Variants in UNC13C observed in about 807,000 individuals in gnomAD.
UNC13C encodes protein unc-13 homolog C.
Under a neutral mutation model 245.4 loss-of-function variants are expected in UNC13C, and 174 were observed. That is an observed-to-expected ratio of 0.71 (90% CI 0.63 to 0.80). UNC13C has a LOEUF of 0.80. UNC13C is among the 30% of genes least tolerant of loss of function. The pLI is 0.00. For synonymous variants in UNC13C, 992 were observed against 895.1 expected (o/e 1.11, Z -1.93); for missense variants, 2,829 against 2,602.9 (o/e 1.09, Z -1.89).
chr15:54,616,157 A>T (rs903897549), intron 30 of UNC13C, among the ~76,000 whole-genome samples: 5 of 152,068 alleles, frequency 3.3e-5, no homozygotes, highest in Admixed American at 2.6e-4. Context: ...ACTTCAGCAA[A>T]CTGTAGCCAT....
At chr15:54,095,794 G>A (rs1167812676) in intron 2 of UNC13C, among the ~76,000 whole-genome samples, 1 of 152,196 alleles carries the variant, frequency 6.6e-6, no homozygotes, top group East Asian at 1.9e-4. Flanking sequence ...TTAGGTTCAA[G>A]ACATATTCAA....
intron 13 of UNC13C, chr15:54,321,345 A>T (rs1283080902): frequency 4.2e-6 from 2 of 474,660 alleles, no homozygotes; most frequent in Admixed American, 2.2e-5. Flanking sequence ...GTCTTCTTTA[A>T]TGCCACCCAC....
At chr15:54,179,108 A>G (rs2033713024) in intron 4 of UNC13C, among the ~76,000 whole-genome samples, 1 of 152,140 alleles carries the variant, frequency 6.6e-6, no homozygotes. Flanking sequence ...ACTATAATCC[A>G]TGATTGAGTA....
At chr15:54,026,291 G>T (rs1187764240) in intron 2 of UNC13C, among the ~76,000 whole-genome samples, 1 of 152,164 alleles carries the variant, frequency 6.6e-6, no homozygotes, top group African/African-American at 2.4e-5. Context: ...ATAGTTACCG[G>T]TCATTAATGT....
At chr15:54,529,793 A>T (rs1324443948) in intron 25 of UNC13C, among the ~76,000 whole-genome samples, 1 of 152,180 alleles carries the variant, frequency 6.6e-6, no homozygotes, top group African/African-American at 2.4e-5. Flanking sequence ...CCTCATTACC[A>T]TTCCAATCAT....
intron 2 of UNC13C, among the ~76,000 whole-genome samples, chr15:54,060,709 G>A (rs1225071151): frequency 6.6e-6 from 1 of 152,022 alleles, no homozygotes; most frequent in Non-Finnish European, 1.5e-5. Flanking sequence ...CAAAGACTTG[G>A]AACCAACCCA....
At chr15:54,293,312 A>G (rs900459890) in intron 10 of UNC13C, among the ~76,000 whole-genome samples, 3 of 152,056 alleles carry the variant, frequency 2.0e-5, no homozygotes, top group African/African-American at 7.2e-5. Context: ...TTGCCTCAAC[A>G]AAAGAGGGTG....
Position 54,216,702 on chromosome 15 carries a change from A to G in UNC13C, c.3072-18328A>G, listed in dbSNP as rs564277478. 6.6e-5 allele frequency among the ~76,000 whole-genome samples: 10 copies of G among 152,142 alleles called. No individual in the cohort carries two copies. In the East Asian group the frequency reaches 1.9e-3, roughly 29 times the overall value. On this transcript the variant is annotated intron_variant, in intron 4 of 32. Transcript: ENST00000260323. ...CCACTTAGTTCAGTATTTTATTAATACATGCCCAGAGTGAGCGAGATGAAA... is the reference window on the plus strand; with the variant it reads ...CCACTTAGTTCAGTATTTTATTAATGCATGCCCAGAGTGAGCGAGATGAAA...
At chr15:54,462,179 T>C (rs945131108) in intron 19 of UNC13C, among the ~76,000 whole-genome samples, 2 of 152,152 alleles carry the variant, frequency 1.3e-5, no homozygotes, top group Non-Finnish European at 2.9e-5. Flanking sequence ...AAAGAGAGAC[T>C]ACAATCATGA....
chr15:54,277,088 C>A (rs567119760), intron 10 of UNC13C, among the ~76,000 whole-genome samples: 27 of 152,148 alleles, frequency 1.8e-4, no homozygotes, highest in Non-Finnish European at 3.2e-4. Context: ...CCAAATAATT[C>A]CAAAGACATG....
chr15:54,502,247 A>G (rs1228245012), intron 22 of UNC13C, among the ~76,000 whole-genome samples: 1 of 152,148 alleles, frequency 6.6e-6, no homozygotes, highest in Non-Finnish European at 1.5e-5. Flanking sequence ...GAAAACTTGT[A>G]TGGAAGGGCC....
intron 8 of UNC13C, among the ~76,000 whole-genome samples, chr15:54,256,849 T>C (rs1290758819): frequency 4.6e-5 from 7 of 152,204 alleles, no homozygotes; most frequent in Non-Finnish European, 1.0e-4. Flanking sequence ...TGATATTTTG[T>C]GGTTTACGCA....
chr15:54,464,425 C>T (rs751932398), intron 19 of UNC13C, among the ~76,000 whole-genome samples: 4 of 151,998 alleles, frequency 2.6e-5, no homozygotes, highest in Non-Finnish European at 4.4e-5. Context: ...TTTAGTGAAG[C>T]ATTACATTTT....
At chr15:54,176,973 T>C (rs1567070804) in intron 4 of UNC13C, among the ~76,000 whole-genome samples, 1 of 152,128 alleles carries the variant, frequency 6.6e-6, no homozygotes. Flanking sequence ...AGATTGATGT[T>C]ATCAAACTAT....
chr15:54,480,222 T>A (rs1244158160), intron 19 of UNC13C, among the ~76,000 whole-genome samples: 2 of 151,948 alleles, frequency 1.3e-5, no homozygotes, highest in Non-Finnish European at 1.5e-5. Context: ...ATTGTAAGAC[T>A]TAAGAAGCCT....
intron 30 of UNC13C, among the ~76,000 whole-genome samples, chr15:54,590,433 C>G (rs529309994): frequency 6.6e-6 from 1 of 152,218 alleles, no homozygotes; most frequent in African/African-American, 2.4e-5. Context: ...GGATGTGTTT[C>G]CATTTGTTTG....
intron 5 of UNC13C, among the ~76,000 whole-genome samples, chr15:54,235,573 A>G (rs1228882105): frequency 6.6e-6 from 1 of 152,214 alleles, no homozygotes; most frequent in Non-Finnish European, 1.5e-5. Context: ...AGCTAAATTA[A>G]TAAGCTCTTC....
intron 4 of UNC13C, among the ~76,000 whole-genome samples, chr15:54,168,850 A>G (rs2033281444): frequency 6.6e-6 from 1 of 152,246 alleles, no homozygotes; most frequent in Admixed American, 6.5e-5. Flanking sequence ...TAAAGAGGGC[A>G]TAAATGAATC....
At chr15:54,391,153 T>C (rs2039947983) in intron 17 of UNC13C, among the ~76,000 whole-genome samples, 1 of 152,118 alleles carries the variant, frequency 6.6e-6, no homozygotes, top group African/African-American at 2.4e-5. Context: ...ATGTTACACA[T>C]ATCATGTGTA....
Sources: allele counts gnomAD v4.1 joint callset (sites outside exome capture counted in the v4.1 genomes callset), GRCh38; gene constraint gnomAD v4.1.1; transcripts MANE v1.5; gene names NCBI Gene and HGNC (gene_info 2026-07-23, HGNC 2026-07-21).